Variants in NCAM2 observed in about 807,000 individuals in gnomAD.
The protein encoded by NCAM2 is neural cell adhesion molecule 2, also known as N-CAM-2.
A neutral mutation model predicts 98.1 loss-of-function variants in NCAM2; 30 were observed. That is an observed-to-expected ratio of 0.31 (90% CI 0.23 to 0.41). NCAM2 has a LOEUF of 0.41. Ranked by LOEUF, NCAM2 falls within the 10% of genes least tolerant of loss-of-function variation. NCAM2 has a pLI of 1.00. For missense variants in NCAM2, 867 were observed against 1,005.8 expected (o/e 0.86, Z 1.87); for synonymous variants, 368 against 342.4 (o/e 1.07, Z -0.83).
chr21:21,134,376 G>A (rs1320799324), intron 1 of NCAM2, among the ~76,000 whole-genome samples: 1 of 152,004 alleles, frequency 6.6e-6, no homozygotes, highest in Non-Finnish European at 1.5e-5. Flanking sequence ...GGCCAGCACT[G>A]CTCTTCTATT....
intron 1 of NCAM2, among the ~76,000 whole-genome samples, chr21:21,204,043 A>G (rs949060310): frequency 1.3e-5 from 2 of 152,178 alleles, no homozygotes; most frequent in Non-Finnish European, 2.9e-5. Context: ...TACTCATTCA[A>G]CAAGTGTCTA....
intron 1 of NCAM2, among the ~76,000 whole-genome samples, chr21:21,216,769 G>A (rs757760950): frequency 6.6e-6 from 1 of 152,106 alleles, no homozygotes; most frequent in Admixed American, 6.6e-5. Context: ...ATTTGAATGA[G>A]GATTTCTTTC....
intron 1 of NCAM2, among the ~76,000 whole-genome samples, chr21:21,015,784 A>T (rs1276668895): frequency 6.6e-6 from 1 of 151,796 alleles, no homozygotes; most frequent in Non-Finnish European, 1.5e-5. Context: ...GCTCACTGCA[A>T]CCTCCGCCTC....
At chr21:21,072,471 A>C (rs948192066) in intron 1 of NCAM2, among the ~76,000 whole-genome samples, 1 of 152,082 alleles carries the variant, frequency 6.6e-6, no homozygotes, top group African/African-American at 2.4e-5. Flanking sequence ...AAACTATTAT[A>C]ACATAGAGGA....
intron 9 of NCAM2, among the ~76,000 whole-genome samples, chr21:21,401,282 A>C (rs1364309457): frequency 4.1e-5 from 2 of 48,650 alleles, no homozygotes; most frequent in African/African-American, 1.7e-4. Context: ...TGGAATGTTT[A>C]AATTCTTCAC....
intron 1 of NCAM2, among the ~76,000 whole-genome samples, chr21:21,108,395 C>T (rs375415018): frequency 3.9e-5 from 6 of 152,084 alleles, no homozygotes; most frequent in South Asian, 4.1e-4. Flanking sequence ...TGGCCATTGA[C>T]GGCACTTTCA....
intron 1 of NCAM2, among the ~76,000 whole-genome samples, chr21:21,162,310 A>G (rs1030954675): frequency 3.3e-5 from 5 of 151,482 alleles, no homozygotes; most frequent in South Asian, 2.1e-4. Context: ...ATGAATGACA[A>G]CTCTACCGGC....
In NCAM2 at chr21:21,013,713, G is replaced by A. The variant is rs534300098; in HGVS notation, c.55+15095G>A. On this transcript the variant is annotated intron_variant, in intron 1 of 17. Transcript: ENST00000400546. ...GGAGAATTGCTTGAAACCTGGAGGCGGAGGTTGCAGTGAGCTGGGATTGTG... is the reference window on the plus strand; with the variant it reads ...GGAGAATTGCTTGAAACCTGGAGGCAGAGGTTGCAGTGAGCTGGGATTGTG... Among the ~76,000 whole-genome samples the A allele has an allele frequency of 1.8e-4, 27 of 152,094 alleles. No homozygotes were observed. In the East Asian group the frequency reaches 4.8e-3, roughly 27 times the overall value.
chr21:21,398,957 A>G (rs1569020016), intron 9 of NCAM2, among the ~76,000 whole-genome samples: 1 of 152,186 alleles, frequency 6.6e-6, no homozygotes, highest in Admixed American at 6.5e-5. Flanking sequence ...AAAATGGTGG[A>G]CTAAAATCCC....
intron 12 of NCAM2, among the ~76,000 whole-genome samples, chr21:21,466,177 A>G (rs1040324627): frequency 1.3e-5 from 2 of 152,076 alleles, no homozygotes; most frequent in African/African-American, 2.4e-5. Context: ...ATCACCTGAC[A>G]TTGGAAGCCA....
chr21:21,247,405 G>A (rs1257176873), intron 1 of NCAM2, among the ~76,000 whole-genome samples: 2 of 152,114 alleles, frequency 1.3e-5, no homozygotes, highest in African/African-American at 4.8e-5. Flanking sequence ...AAAGAGAAAC[G>A]AAATACAAAA....
intron 1 of NCAM2, among the ~76,000 whole-genome samples, chr21:21,172,395 A>AT (rs1210829560): frequency 4.6e-5 from 7 of 152,210 alleles, no homozygotes; most frequent in East Asian, 1.9e-4. Flanking sequence ...TCATGAGGAG[A>AT]TTTTTTTAAA....
intron 9 of NCAM2, among the ~76,000 whole-genome samples, chr21:21,386,660 T>C (rs539195268): frequency 7.2e-5 from 11 of 152,296 alleles, no homozygotes; most frequent in African/African-American, 2.6e-4. Flanking sequence ...TTCATGTGTA[T>C]AGATACTGTC....
intron 1 of NCAM2, among the ~76,000 whole-genome samples, chr21:21,235,893 CTTACTG>C (rs952540644): frequency 6.6e-6 from 1 of 152,006 alleles, no homozygotes; most frequent in African/African-American, 2.4e-5. Flanking sequence ...GTCACTATTA[CTTACTG>C]TTAGTATTAT....
intron 1 of NCAM2, among the ~76,000 whole-genome samples, chr21:21,238,163 G>C (rs1240849379): frequency 6.6e-6 from 1 of 151,702 alleles, no homozygotes; most frequent in African/African-American, 2.4e-5. Flanking sequence ...TGTCATCTTG[G>C]CCAGGCTGGT....
intron 1 of NCAM2, among the ~76,000 whole-genome samples, chr21:21,099,352 T>G (rs1462835332): frequency 6.6e-6 from 1 of 151,894 alleles, no homozygotes; most frequent in Non-Finnish European, 1.5e-5. Flanking sequence ...CTCACGCTGC[T>G]ATAAAGAACT....
At chr21:21,467,317 A>G (rs1190063078) in intron 13 of NCAM2, among the ~76,000 whole-genome samples, 3 of 150,488 alleles carry the variant, frequency 2.0e-5, no homozygotes, top group Non-Finnish European at 3.0e-5. Context: ...GTGAGAAAAC[A>G]TAATAAATAC....
rs11268201 is a variant in NCAM2 at position 21,214,746 on chromosome 21, T to TATACAC, written c.56-65831_56-65830insTACACA. On this transcript the variant is annotated intron_variant, in intron 1 of 17. Coordinates refer to ENST00000400546, the MANE Select transcript of NCAM2 (RefSeq NM_004540.5). ...CCATATATATATATATATATATATA[T>TATACAC]ACACTATATATACACATATATGTAA... 1.4e-3 allele frequency among the ~76,000 whole-genome samples: 142 copies of TATACAC among 100,586 alleles called. 1 individual carries two copies. Among genetic ancestry groups the TATACAC allele is most frequent in the East Asian group, 1.9e-3 (7 of 3,680 alleles). 66.0% of individuals were successfully genotyped at this position (100,586 alleles called of 152,430 possible). A position where few individuals can be genotyped will look rare whatever the true frequency, so the allele number is the denominator to read the frequency against.
At chr21:21,160,114 A>C (rs1478999586) in intron 1 of NCAM2, among the ~76,000 whole-genome samples, 1 of 152,064 alleles carries the variant, frequency 6.6e-6, no homozygotes, top group Non-Finnish European at 1.5e-5. Flanking sequence ...TTTTAAATAT[A>C]TGTACCGTGT....
Sources: allele counts gnomAD v4.1 joint callset (sites outside exome capture counted in the v4.1 genomes callset), GRCh38; gene constraint gnomAD v4.1.1; transcripts MANE v1.5; gene names NCBI Gene and HGNC (gene_info 2026-07-23, HGNC 2026-07-21).